EPB41L4A: variants seen among roughly 807,000 people sequenced by gnomAD.
The protein encoded by EPB41L4A is erythrocyte membrane protein band 4.1 like 4A, also known as band 4.1-like protein 4A.
Under a neutral mutation model 108.6 loss-of-function variants are expected in EPB41L4A, and 100 were observed. The observed-to-expected ratio is 0.92, with a 90% CI of 0.78 to 1.09. The LOEUF (loss-of-function observed/expected upper bound fraction) is 1.09. Ranked by LOEUF, EPB41L4A falls within the 50% of genes least tolerant of loss-of-function variation. The probability of loss-of-function intolerance (pLI) is 0.00; values close to 1 mark genes in which losing one functional copy is unlikely to be tolerated. For synonymous variants in EPB41L4A, 319 were observed against 289.0 expected (o/e 1.10, Z -1.05); for missense variants, 1,030 against 842.7 (o/e 1.22, Z -2.75).
At chr5:112,189,357 T>G (rs1761578263) in intron 17 of EPB41L4A, among the ~76,000 whole-genome samples, 1 of 152,334 alleles carries the variant, frequency 6.6e-6, no homozygotes, top group Non-Finnish European at 1.5e-5. Flanking sequence ...GGTCAGGTAT[T>G]ATTCCACTTT....
intron 1 of EPB41L4A, among the ~76,000 whole-genome samples, chr5:112,369,280 T>C (rs1356480421): frequency 6.6e-6 from 1 of 152,186 alleles, no homozygotes; most frequent in Non-Finnish European, 1.5e-5. Flanking sequence ...CAGTTCAATT[T>C]CTTATTATCT....
At chr5:112,368,126 G>A (rs747212568) in intron 1 of EPB41L4A, among the ~76,000 whole-genome samples, 8 of 152,156 alleles carry the variant, frequency 5.3e-5, no homozygotes, top group Non-Finnish European at 8.8e-5. Flanking sequence ...ACATTTTCTC[G>A]TAGCTTTTAA....
rs1309343376 is a variant in EPB41L4A, at chr5:112,410,321, AG to A, written c.99+8619del. ...AGCTAGGAATTTAACCCAAGCACAG[AG>A]GCTGACTAGACATTAAAGTATTCTA... On this transcript the variant is annotated intron_variant, in intron 1 of 22. Coordinates refer to ENST00000261486, the MANE Select transcript of EPB41L4A (RefSeq NM_022140.5). Among the ~76,000 whole-genome samples the A allele has an allele frequency of 4.6e-5, 7 of 152,320 alleles. 1 individual carries two copies. Among genetic ancestry groups the A allele is most frequent in the Admixed American group, 4.6e-4 (7 of 15,302 alleles).
chr5:112,184,300 A>T (rs535578722), intron 17 of EPB41L4A, among the ~76,000 whole-genome samples, 165 bp from the exon 18 acceptor site: 2 of 152,352 alleles, frequency 1.3e-5, no homozygotes, highest in East Asian at 1.9e-4. Context: ...TATGTAGGTA[A>T]GCATATATAA....
intron 1 of EPB41L4A, among the ~76,000 whole-genome samples, chr5:112,314,285 C>T (rs1383500008): frequency 6.6e-6 from 1 of 151,850 alleles, no homozygotes; most frequent in Non-Finnish European, 1.5e-5. Context: ...AAAGGGGCTT[C>T]ATTTCTAAGT....
upstream of EPB41L4A, chr5:112,419,311 C>A (rs1762930542): frequency 2.8e-6 from 1 of 351,298 alleles, no homozygotes; most frequent in Non-Finnish European, 5.2e-6. Context: ...CCCCGCGCAT[C>A]CTGCGGCTCG....
At chr5:112,227,708 A>T (rs1748569074) in intron 12 of EPB41L4A, among the ~76,000 whole-genome samples, 1 of 152,218 alleles carries the variant, frequency 6.6e-6, no homozygotes, top group Non-Finnish European at 1.5e-5. Flanking sequence ...GGTTCTGCTG[A>T]CTTGCATCTG....
At chr5:112,228,741 G>A in intron 12 of EPB41L4A, 1 of 985,454 alleles carries the variant, frequency 1.0e-6, no homozygotes, top group Non-Finnish European at 1.2e-6. Context: ...AGAGAGGGTT[G>A]TAACAGGAGG....
intron 21 of EPB41L4A, 53 bp downstream of exon 21, chr5:112,168,942 T>C: frequency 6.6e-7 from 1 of 1,507,190 alleles, no homozygotes; most frequent in East Asian, 2.3e-5. Context: ...TCTTTTAGAC[T>C]GCACTGTTTT....
In EPB41L4A at chr5:112,384,162, T is replaced by A. The variant is rs562477967; in HGVS notation, c.99+34779A>T. ...TTCTTTTCAAGGTGATAAAACAAGT[T>A]ATAAATTGACTGTGGTGATGGCTGC... On this transcript the variant is annotated intron_variant, in intron 1 of 22. Transcript: ENST00000261486. 2.6e-5 allele frequency among the ~76,000 whole-genome samples: 4 copies of A among 152,214 alleles called. No individual in the cohort carries two copies. In the East Asian group the frequency reaches 7.7e-4, roughly 29 times the overall value.
chr5:112,201,399 T>G (rs1197522071), intron 15 of EPB41L4A, among the ~76,000 whole-genome samples: 1 of 152,220 alleles, frequency 6.6e-6, no homozygotes, highest in African/African-American at 2.4e-5. Flanking sequence ...AACCTCAGTG[T>G]AGAAGTCAAG....
exon 14 of EPB41L4A, chr5:112,143,431 A>G (rs1306130342): frequency 6.5e-6 from 1 of 152,856 alleles, no homozygotes; most frequent in Admixed American, 6.5e-5. Context: ...GTAATAGTTC[A>G]TGACAGTGCT....
intron 22 of EPB41L4A, among the ~76,000 whole-genome samples, chr5:112,167,327 GA>G (rs1249847004): frequency 6.6e-6 from 1 of 152,088 alleles, no homozygotes; most frequent in Non-Finnish European, 1.5e-5. Flanking sequence ...ATATAATTTT[GA>G]AAAAGTACTG....
At chr5:112,144,603 C>A (rs1196448645) in intron 13 of EPB41L4A, among the ~76,000 whole-genome samples, 1 of 152,118 alleles carries the variant, frequency 6.6e-6, no homozygotes, top group African/African-American at 2.4e-5. Flanking sequence ...ATTTTAGAGG[C>A]TTTACTGGCC....
intron 4 of EPB41L4A, chr5:112,275,121 G>A (rs1000095283): frequency 3.9e-6 from 2 of 506,880 alleles, no homozygotes; most frequent in Non-Finnish European, 6.6e-6. Context: ...TGTCACCCAG[G>A]TTCACGCCAT....
chr5:112,382,628 G>A (rs1760246868), intron 1 of EPB41L4A, among the ~76,000 whole-genome samples: 1 of 152,124 alleles, frequency 6.6e-6, no homozygotes, highest in African/African-American at 2.4e-5. Context: ...TGATTGTTTT[G>A]GTCTTTGGAG....
intron 4 of EPB41L4A, among the ~76,000 whole-genome samples, chr5:112,272,781 C>A (rs1332049585): frequency 4.8e-3 from 435 of 90,462 alleles, no homozygotes; most frequent in East Asian, 5.4e-3. Context: ...AACTCCGTCT[C>A]AAAAAAAAAA....
At chr5:112,375,460 A>G (rs1759761224) in intron 1 of EPB41L4A, among the ~76,000 whole-genome samples, 1 of 152,202 alleles carries the variant, frequency 6.6e-6, no homozygotes, top group Non-Finnish European at 1.5e-5. Flanking sequence ...AATGAAAAAA[A>G]TCACACCAAG....
At chr5:112,199,515 C>A (rs764567338) in intron 15 of EPB41L4A, among the ~76,000 whole-genome samples, 26 of 152,196 alleles carry the variant, frequency 1.7e-4, no homozygotes, top group Admixed American at 1.3e-3. Context: ...ACCTAAACAA[C>A]CTAATCTCTA....
Sources: allele counts gnomAD v4.1 joint callset (sites outside exome capture counted in the v4.1 genomes callset), GRCh38; gene constraint gnomAD v4.1.1; transcripts MANE v1.5; gene names NCBI Gene and HGNC (gene_info 2026-07-23, HGNC 2026-07-21).